Variants in RBM44 observed in about 807,000 individuals in gnomAD.
The protein encoded by RBM44 is RNA-binding protein 44.
A neutral mutation model predicts 105.1 loss-of-function variants in RBM44; 66 were observed. That is an observed-to-expected ratio of 0.63 (90% CI 0.52 to 0.77). RBM44 has a LOEUF of 0.77. RBM44 is among the 30% of genes least tolerant of loss of function. RBM44 has a pLI of 0.00. For missense variants in RBM44, 1,122 were observed against 1,207.8 expected (o/e 0.93, Z 1.05); for synonymous variants, 365 against 417.6 (o/e 0.87, Z 1.54).
Position 237,821,161 on chromosome 2 carries a change from AG to A in RBM44, c.2005del (p.Glu669LysfsTer17), listed in dbSNP as rs768896883. 7 of 1,611,674 alleles carry A rather than the reference AG, an allele frequency of 4.3e-6. No individual in the cohort carries two copies. Among genetic ancestry groups the A allele is most frequent in the Non-Finnish European group, 5.9e-6 (7 of 1,178,802 alleles). On this transcript the variant is annotated frameshift_variant, in exon 6 of 16. Coordinates refer to ENST00000316997, the MANE Select transcript of RBM44 (RefSeq NM_001080504.3). LOFTEE classifies it high-confidence loss of function. Reference protein sequence around the residue: ...DLKVRYVTLKEKIHKGIPLEE... With the variant: ...DLKVRYVTLKXKIHKGIPLEE... Reference sequence around the variant, plus strand: ...TAAAAGTTAGATATGTGACTTTGAAAGAAAAAATACACAAAGGCATACCACT... The same window carrying A: ...TAAAAGTTAGATATGTGACTTTGAAAAAAAAATACACAAAGGCATACCACT...
At chr2:237,835,545 T>C (rs1238587736) in intron 15 of RBM44, among the ~76,000 whole-genome samples, 2 of 152,202 alleles carry the variant, frequency 1.3e-5, no homozygotes, top group Non-Finnish European at 2.9e-5. Flanking sequence ...AGGAGAATGA[T>C]AACAAAGTGA....
Position 237,818,636 on chromosome 2 carries a change from A to G in RBM44, c.1677+40A>G, listed in dbSNP as rs139654299. 469 of 1,349,854 alleles carry G rather than the reference A, an allele frequency of 3.5e-4. 6 individuals carry two copies. In the East Asian group the frequency reaches 0.011, roughly 33 times the overall value. 83.6% of individuals were successfully genotyped at this position (1,349,854 alleles called of 1,614,324 possible). On this transcript the variant is annotated intron_variant, in intron 3 of 15. Transcript: ENST00000316997. The surrounding 1 kb of genome is among the most constrained non-coding windows in gnomAD (Gnocchi z 4.6). ...AGTAATAATAAAATTTGGACTTTATAAAGAGACAGTGTATGCTAATGTAAG... is the reference window on the plus strand; with the variant it reads ...AGTAATAATAAAATTTGGACTTTATGAAGAGACAGTGTATGCTAATGTAAG...
chr2:237,823,458 A>T lies in RBM44; in HGVS notation c.2224A>T (p.Asn742Tyr). The change falls in exon 9 of 16, where the codon AAT (asparagine) becomes TAT (tyrosine). Residue 742 changes from asparagine to tyrosine, a missense_variant. This residue lies in a region of RBM44 where 918 missense variants were observed against 955.3 expected (regional missense o/e 0.96). Coordinates refer to ENST00000316997, the MANE Select transcript of RBM44 (RefSeq NM_001080504.3). Reference protein sequence around the residue: ...TLSQMSLSSDNSHATQNISPK... With the variant: ...TLSQMSLSSDYSHATQNISPK... ...TCCTCAGATGTCTTTATCATCTGAC[A>T]ATAGTCATGCTACACAAAACATATC... 6.7e-7 allele frequency: 1 copy of T among 1,497,802 alleles called. No homozygotes were observed. The highest frequency in any genetic ancestry group is 9.1e-7 in the Non-Finnish European group (1 of 1,099,762). 92.8% of individuals were successfully genotyped at this position (1,497,802 alleles called of 1,614,324 possible). A position where few individuals can be genotyped will look rare whatever the true frequency, so the allele number is the denominator to read the frequency against.
At chr2:237,819,013 T>A (rs2150979206) in intron 4 of RBM44, 54 bp downstream of exon 4, 1 of 945,622 alleles carries the variant, frequency 1.1e-6, no homozygotes, top group Non-Finnish European at 1.6e-6. Flanking sequence ...ATCAAAATAG[T>A]ATTTGCTTTC....
In RBM44 at chr2:237,818,573, C is replaced by G. The variant is rs1345666626; in HGVS notation, c.1654C>G (p.Pro552Ala). The change falls in exon 3 of 16, where the codon CCT becomes GCT. Residue 552 changes from proline to alanine, a missense_variant. Physicochemically the swap from Pro to Ala is conservative, Grantham distance 27. Around this residue, in one of 3 missense-constraint regions of RBM44, gnomAD observed 918 missense variants for 955.3 expected, o/e 0.96. Transcript: ENST00000316997. The surrounding 1 kb of genome is among the most constrained non-coding windows in gnomAD (Gnocchi z 4.6). ...ATCTCTCTCCGTTGACAGTTTAAAA[C>G]CTAATGGAAATTTTCTAAATAAGGT... is the stretch of plus-strand genomic sequence containing the variant. ...GKSLSVDSLK[P>A]NGNFLNKDFL... 4 of 1,547,462 alleles carry G rather than the reference C, an allele frequency of 2.6e-6. No individual in the cohort carries two copies. Among genetic ancestry groups the G allele is most frequent in the Non-Finnish European group, 3.5e-6 (4 of 1,151,782 alleles).
At chr2:237,825,441 A>C (rs1304786300) in intron 10 of RBM44, among the ~76,000 whole-genome samples, 1 of 152,098 alleles carries the variant, frequency 6.6e-6, no homozygotes, top group Non-Finnish European at 1.5e-5. Flanking sequence ...CCTGATCTCA[A>C]GTGATCCACC....
Position 237,812,103 on chromosome 2 carries a change from A to C in RBM44, c.-18-1489A>C, listed in dbSNP as rs1175140780. ...ACTCCTGAGCTCATGCAATCCACCCACCTCAGCCTCCCAGAGTGCTAGGAT... is the reference window on the plus strand; with the variant it reads ...ACTCCTGAGCTCATGCAATCCACCCCCCTCAGCCTCCCAGAGTGCTAGGAT... On this transcript the variant is annotated intron_variant, in intron 1 of 15. Coordinates refer to ENST00000316997, the MANE Select transcript of RBM44 (RefSeq NM_001080504.3). Among the ~76,000 whole-genome samples the C allele has an allele frequency of 3.3e-5, 5 of 151,962 alleles. No individual in the cohort carries two copies. In the East Asian group the frequency reaches 5.8e-4, roughly 18 times the overall value.
At position 237,798,953 on chromosome 2, in the gene RBM44, C is replaced by A. The variant is rs1254606063; in HGVS notation, c.-19+92C>A. ...TTGAGCGGTCGGGGTTGGCGAACCCCGCGTGTGGCCGGTCCCGGCGGCGAG... is the reference window on the plus strand; with the variant it reads ...TTGAGCGGTCGGGGTTGGCGAACCCAGCGTGTGGCCGGTCCCGGCGGCGAG... On this transcript the variant is annotated intron_variant, in intron 1 of 15. Transcript: ENST00000316997. This position sits in a 1 kb window ranked among gnomAD's most constrained non-coding sequence, Gnocchi z 4.3. 1 of 152,026 alleles carries A rather than the reference C, an allele frequency of 6.6e-6. No individual in the cohort carries two copies. The highest frequency in any genetic ancestry group is 2.1e-4 in the South Asian group (1 of 4,842). The allele number at this position is 152,026 out of a possible 1,614,324, so 9.4% of individuals were successfully genotyped here. A position where few individuals can be genotyped will look rare whatever the true frequency, so the allele number is the denominator to read the frequency against.
chr2:237,819,583 T>C (rs2061760812), intron 4 of RBM44, among the ~76,000 whole-genome samples: 1 of 152,004 alleles, frequency 6.6e-6, no homozygotes, highest in Admixed American at 6.6e-5. Flanking sequence ...CCATTGAGAA[T>C]AGCTAGAAGT....
intron 1 of RBM44, among the ~76,000 whole-genome samples, chr2:237,808,241 C>T (rs2061619594): frequency 6.6e-6 from 1 of 151,948 alleles, no homozygotes; most frequent in Non-Finnish European, 1.5e-5. Context: ...TCACTTGAGA[C>T]CAGGAGTTCG....
Position 237,820,185 on chromosome 2 carries a change from CT to C in RBM44, c.1752del (p.Phe584LeufsTer16). The C allele has an allele frequency of 6.6e-7, 1 of 1,513,310 alleles. No individual in the cohort carries two copies. The highest frequency in any genetic ancestry group is 1.3e-5 in the South Asian group (1 of 76,546). The allele number at this position is 1,513,310 out of a possible 1,614,324, so 93.7% of individuals were successfully genotyped here. On this transcript the variant is annotated frameshift_variant, in exon 5 of 16. Coordinates refer to ENST00000316997, the MANE Select transcript of RBM44 (RefSeq NM_001080504.3). LOFTEE classifies it high-confidence loss of function. ...CTTTTATTTTTAAAGGGAATTTCAA[CT>C]TTTTAAAGATACAGAGAAGGATTTG... ...LKKHPEREFQ[L>X]FKDTEKDLPS...
chr2:237,813,520 T>C, intron 1 of RBM44, 72 bp from the exon 2 acceptor site: 1 of 780,038 alleles, frequency 1.3e-6, no homozygotes, highest in Admixed American at 2.7e-5. Flanking sequence ...GACATATCTT[T>C]CTGTCCTTTA....
At chr2:237,809,013 C>T (rs1313845832) in intron 1 of RBM44, among the ~76,000 whole-genome samples, 1 of 152,164 alleles carries the variant, frequency 6.6e-6, no homozygotes, top group African/African-American at 2.4e-5. Flanking sequence ...GTCAAATCAT[C>T]TTTCAGAAGG....
chr2:237,807,977 C>G (rs2061615958), intron 1 of RBM44, among the ~76,000 whole-genome samples: 1 of 152,216 alleles, frequency 6.6e-6, no homozygotes, highest in Middle Eastern at 3.4e-3. Flanking sequence ...ATTAAAACAT[C>G]ACCAGACATC....
intron 13 of RBM44, among the ~76,000 whole-genome samples, chr2:237,831,320 G>A (rs901944473): frequency 2.0e-5 from 3 of 150,072 alleles, no homozygotes; most frequent in Non-Finnish European, 4.4e-5. Flanking sequence ...TCATTCTGTC[G>A]CCCAGGCTGG....
rs373599531 is a variant in RBM44, at chr2:237,821,748, C to T, written c.2126C>T (p.Ser709Leu). The change falls in exon 8 of 16, where the codon TCA (serine) becomes TTA (leucine). Residue 709 changes from serine to leucine, a missense_variant. By Grantham distance (145) the Ser-to-Leu change is moderately radical. This residue lies in a region of RBM44 where 918 missense variants were observed against 955.3 expected (regional missense o/e 0.96). Coordinates refer to ENST00000316997, the MANE Select transcript of RBM44 (RefSeq NM_001080504.3). ...TTCTGAAATGTTCTTTTTAGCTTTT[C>T]AGAAGCAGATGCTGAACAAGATAAT... ...RLMKKETHVFSEADAEQDNQR... is the reference protein window; with the variant it reads ...RLMKKETHVFLEADAEQDNQR... 3.1e-6 allele frequency: 5 copies of T among 1,607,394 alleles called. No individual in the cohort carries two copies. The highest frequency in any genetic ancestry group is 3.4e-6 in the Non-Finnish European group (4 of 1,175,244).
intron 2 of RBM44, among the ~76,000 whole-genome samples, chr2:237,814,853 A>G (rs2061697772): frequency 6.6e-6 from 1 of 151,800 alleles, no homozygotes; most frequent in Non-Finnish European, 1.5e-5. Context: ...TAAAGAGGAA[A>G]ATAATACTCT....
intron 13 of RBM44, among the ~76,000 whole-genome samples, chr2:237,829,825 A>G (rs1435986156): frequency 2.0e-5 from 3 of 152,100 alleles, no homozygotes; most frequent in African/African-American, 7.2e-5. Context: ...AGCTAACTTT[A>G]TCTCATAATT....
chr2:237,804,832 G>A (rs971354548), intron 1 of RBM44, among the ~76,000 whole-genome samples: 2 of 151,584 alleles, frequency 1.3e-5, no homozygotes, highest in African/African-American at 2.4e-5. Context: ...TTTTCTTTCT[G>A]CAATTGTTTT....
Sources: gnomAD v4.1 joint callset for allele counts (sites outside exome capture counted in the v4.1 genomes callset) on GRCh38, gnomAD v4.1.1 for gene constraint, gnomAD v4.1.1 regional missense constraint, Gnocchi (gnomAD v3.1) non-coding constraint, MANE v1.5 for transcripts, NCBI Gene and HGNC (gene_info 2026-07-23, HGNC 2026-07-21) for gene names.